Variants in GREB1 observed in about 807,000 individuals in gnomAD.
GREB1 encodes protein GREB1.
In GREB1, 106 loss-of-function variants were observed where a neutral mutation model predicts 200.7. That is an observed-to-expected ratio of 0.53 (90% CI 0.45 to 0.62). The LOEUF (loss-of-function observed/expected upper bound fraction) is 0.62, where lower values mean the gene tolerates loss of function less well. Ranked by LOEUF, GREB1 falls within the 20% of genes least tolerant of loss-of-function variation. The pLI, the probability that GREB1 is intolerant of heterozygous loss-of-function variation, is 0.00. For synonymous variants in GREB1, 1,132 were observed against 1,092.4 expected (o/e 1.04, Z -0.72); for missense variants, 2,243 against 2,556.8 (o/e 0.88, Z 2.65).
At chr2:11,637,418 A>G (rs1685471413) in intron 30 of GREB1, among the ~76,000 whole-genome samples, 1 of 152,106 alleles carries the variant, frequency 6.6e-6, no homozygotes, top group Non-Finnish European at 1.5e-5. Flanking sequence ...TGCATCCCCC[A>G]GACCCATGGG....
At chr2:11,562,235 AAAG>A (rs1460275529) in intron 2 of GREB1, among the ~76,000 whole-genome samples, 3 of 152,214 alleles carry the variant, frequency 2.0e-5, no homozygotes, top group African/African-American at 7.2e-5. Flanking sequence ...TCCCTCCAGT[AAAG>A]AAGGTTGATA....
Position 11,576,335 on chromosome 2 carries a change from G to T in GREB1, c.455-18G>T. ...AAAAAAAAAAAGAAAGATGTTTATG[G>T]TTTACTTCCTTCTCCAGGTTTCTCT... On this transcript the variant is annotated intron_variant, in intron 4 of 32. Coordinates refer to ENST00000381486, the MANE Select transcript of GREB1 (RefSeq NM_014668.4). The T allele has an allele frequency of 6.3e-7, 1 of 1,586,468 alleles. No individual in the cohort carries two copies. Among genetic ancestry groups the T allele is most frequent in the Non-Finnish European group, 8.6e-7 (1 of 1,166,194 alleles).
At chr2:11,618,957 G>C (rs753100463) in intron 22 of GREB1, 38 bp downstream of exon 22, 5 of 1,439,686 alleles carry the variant, frequency 3.5e-6, no homozygotes, top group South Asian at 1.4e-5. Flanking sequence ...GCCCCGGACT[G>C]GGGGGGTCCT....
intron 17 of GREB1, among the ~76,000 whole-genome samples, chr2:11,603,631 C>G (rs557647118): frequency 1.6e-3 from 249 of 152,316 alleles, no homozygotes; most frequent in African/African-American, 5.7e-3. Context: ...AGATACTGTT[C>G]GGTTCTGTGA....
chr2:11,630,514 C>T (rs901363595), intron 26 of GREB1, among the ~76,000 whole-genome samples: 7 of 152,132 alleles, frequency 4.6e-5, no homozygotes, highest in African/African-American at 1.2e-4. Flanking sequence ...TAACATTTTG[C>T]GTAGGCTTAG....
At position 11,597,711 on chromosome 2, in the gene GREB1, C is replaced by A; in HGVS notation, c.1955-70C>A. The A allele has an allele frequency of 2.1e-6, 3 of 1,414,748 alleles. No homozygotes were observed. Among genetic ancestry groups the A allele is most frequent in the Non-Finnish European group, 3.0e-6 (3 of 1,000,114 alleles). The allele number at this position is 1,414,748 out of a possible 1,614,324, so 87.6% of individuals were successfully genotyped here. The stretch of plus-strand genomic sequence containing the variant: ...CTCCCCTGGACAGGTCTCACTGATT[C>A]TCTGGCCAAGGGCCTGGCAGTAGCC... On this transcript the variant is annotated intron_variant, in intron 13 of 32. Transcript: ENST00000381486. This position sits in a 1 kb window ranked among gnomAD's most constrained non-coding sequence, Gnocchi z 4.1.
At chr2:11,599,409 G>A (rs1255560671) in intron 15 of GREB1, among the ~76,000 whole-genome samples, 1 of 148,916 alleles carries the variant, frequency 6.7e-6, no homozygotes, top group East Asian at 2.0e-4. Context: ...GTGCGATCTC[G>A]GCTCACTGCA....
chr2:11,544,544 C>T (rs925085407), intron 1 of GREB1, among the ~76,000 whole-genome samples: 1 of 152,008 alleles, frequency 6.6e-6, no homozygotes, highest in African/African-American at 2.4e-5. Context: ...CCATTTTTCA[C>T]CTGTGGGCAA....
At chr2:11,561,868 G>C (rs1372774537) in intron 2 of GREB1, 1 of 153,094 alleles carries the variant, frequency 6.5e-6, no homozygotes, top group Non-Finnish European at 1.5e-5. Flanking sequence ...GCAGGTTAGG[G>C]GCAAGAGCAT....
At chr2:11,573,921 C>T (rs1678570344) in intron 4 of GREB1, among the ~76,000 whole-genome samples, 1 of 152,216 alleles carries the variant, frequency 6.6e-6, no homozygotes, top group Non-Finnish European at 1.5e-5. Context: ...ACAGCCTGGC[C>T]TTGGCAAGTT....
At chr2:11,635,101 G>C (rs1462430071) in intron 29 of GREB1, among the ~76,000 whole-genome samples, 169 bp from the exon 30 acceptor site, 1 of 152,178 alleles carries the variant, frequency 6.6e-6, no homozygotes, top group African/African-American at 2.4e-5. Context: ...TTCCTTGTCT[G>C]TTTTGCCTCA....
At chr2:11,627,764 C>T (rs1313238484) in intron 25 of GREB1, among the ~76,000 whole-genome samples, 1 of 152,178 alleles carries the variant, frequency 6.6e-6, no homozygotes, top group Non-Finnish European at 1.5e-5. Flanking sequence ...CTGCAAGCCA[C>T]CCAAGGTGTG....
In GREB1 at chr2:11,627,211, GC is replaced by G. The variant is rs950830359; in HGVS notation, c.4449+110del. 2.5e-5 allele frequency: 27 copies of G among 1,066,046 alleles called. No homozygotes were observed. The African/African-American group carries it at 3.7e-4, about 15-fold the overall frequency. The allele number at this position is 1,066,046 out of a possible 1,614,324, so 66.0% of individuals were successfully genotyped here. ...GAGTGGGAGATAGAGAGTTCTGGAAGCCCTGGCTTCCTGGTCTGCTTGCATC... is the reference window on the plus strand; with the variant it reads ...GAGTGGGAGATAGAGAGTTCTGGAAGCCTGGCTTCCTGGTCTGCTTGCATC... On this transcript the variant is annotated intron_variant, in intron 25 of 32. Coordinates refer to ENST00000381486, the MANE Select transcript of GREB1 (RefSeq NM_014668.4).
At chr2:11,589,393 G>A (rs1274218627) in intron 10 of GREB1, among the ~76,000 whole-genome samples, 1 of 152,204 alleles carries the variant, frequency 6.6e-6, no homozygotes, top group Non-Finnish European at 1.5e-5. Flanking sequence ...TGAGGAATGA[G>A]GACAGGTGGG....
rs544492114 is a variant in GREB1 at position 11,600,632 on chromosome 2, C to T, written c.2334-168C>T. ...ATCTCAGGAGAGCCCCTGACAGCTA[C>T]CTGAAGTCCAGCCTTTTTTATTTTC... On this transcript the variant is annotated intron_variant, in intron 15 of 32. Coordinates refer to ENST00000381486, the MANE Select transcript of GREB1 (RefSeq NM_014668.4). Among the ~76,000 whole-genome samples, 4 of 152,318 alleles carry T rather than the reference C, an allele frequency of 2.6e-5. No homozygotes were observed. The East Asian group carries it at 7.7e-4, about 29-fold the overall frequency.
At chr2:11,521,302 G>A (rs904480611) in intron 1 of GREB1, among the ~76,000 whole-genome samples, 1 of 152,062 alleles carries the variant, frequency 6.6e-6, no homozygotes, top group East Asian at 1.9e-4. Context: ...TAGAGATGGG[G>A]TGTCACAATG....
At chr2:11,604,499 C>T (rs1309108336) in intron 17 of GREB1, among the ~76,000 whole-genome samples, 1 of 152,188 alleles carries the variant, frequency 6.6e-6, no homozygotes, top group African/African-American at 2.4e-5. Context: ...TCTCTCTCCC[C>T]CTCTGCTAAA....
intron 29 of GREB1, 40 bp downstream of exon 29, chr2:11,634,389 G>C: frequency 2.0e-6 from 3 of 1,530,306 alleles, no homozygotes; most frequent in South Asian, 1.2e-5. Context: ...CGGCAGCCCT[G>C]GGGGCGCAGA....
intron 1 of GREB1, among the ~76,000 whole-genome samples, chr2:11,503,639 G>A (rs1025316077): frequency 2.6e-5 from 4 of 152,152 alleles, no homozygotes; most frequent in African/African-American, 9.7e-5. Context: ...GCAGATGAGT[G>A]CTTCTTTCCT....
Sources: allele counts gnomAD v4.1 joint callset (sites outside exome capture counted in the v4.1 genomes callset), GRCh38; gene constraint gnomAD v4.1.1; non-coding constraint Gnocchi (gnomAD v3.1); transcripts MANE v1.5; gene names NCBI Gene and HGNC (gene_info 2026-07-23, HGNC 2026-07-21).